The following AGPAT4 variants were observed in gnomAD, a reference collection of about 807,000 sequenced individuals.
The protein encoded by AGPAT4 is 1-acyl-sn-glycerol-3-phosphate acyltransferase delta.
Under a neutral mutation model 48.0 loss-of-function variants are expected in AGPAT4, and 15 were observed. The observed-to-expected ratio is 0.31, with a 90% confidence interval of 0.21 to 0.48. The LOEUF is 0.48. AGPAT4 is among the 20% of genes least tolerant of loss of function. The probability of loss-of-function intolerance (pLI) is 0.99; values close to 1 mark genes in which losing one functional copy is unlikely to be tolerated. For synonymous variants in AGPAT4, 178 were observed against 198.7 expected, an observed-to-expected ratio of 0.90 and a Z score of 0.88; for missense variants, 314 against 482.5, an observed-to-expected ratio of 0.65 and a Z score of 3.27.
At chr6:161,194,331 C>G (rs994652115) in intron 2 of AGPAT4, among the ~76,000 whole-genome samples, 3 of 152,104 alleles carry the variant, frequency 2.0e-5, no homozygotes, top group Non-Finnish European at 4.4e-5. Flanking sequence ...CGACACTAAT[C>G]TAAAAGATAA....
chr6:161,219,466 G>A lies in AGPAT4; in HGVS notation c.178+12570C>T, dbSNP rs1477376919. 7.3e-5 allele frequency among the ~76,000 whole-genome samples: 11 copies of A among 151,632 alleles called. No individual in the cohort carries two copies. The highest frequency in any genetic ancestry group is 1.2e-4 in the Non-Finnish European group (8 of 67,972). On this transcript the variant is annotated intron_variant, in intron 2 of 8. Coordinates refer to ENST00000320285, the MANE Select transcript of AGPAT4 (RefSeq NM_020133.3). The surrounding 1 kb of genome is among the most constrained non-coding windows in gnomAD (Gnocchi z 4.9). ...CAATGGCTTGTCTTGTTTACCTCCTGGAAATATCCACTGCACCATGAAGAC... is the reference window on the plus strand; with the variant it reads ...CAATGGCTTGTCTTGTTTACCTCCTAGAAATATCCACTGCACCATGAAGAC...
rs911241185 is a variant in AGPAT4 at position 161,200,455 on chromosome 6, T to C, written c.178+31581A>G. 6.6e-6 allele frequency among the ~76,000 whole-genome samples: 1 copy of C among 152,206 alleles called. No individual in the cohort carries two copies. Among genetic ancestry groups the C allele is most frequent in the African/African-American group, 2.4e-5 (1 of 41,462 alleles). ...TAACCACAGTACAATCCTAATTATC[T>C]ATGAGAAGGCCTGCACTCTCTGGCT... On this transcript the variant is annotated intron_variant, in intron 2 of 8. Transcript: ENST00000320285. The surrounding 1 kb of genome is among the most constrained non-coding windows in gnomAD (Gnocchi z 5.5).
In AGPAT4 at chr6:161,169,730, T is replaced by G. The variant is rs1428502759; in HGVS notation, c.179-3313A>C. On this transcript the variant is annotated intron_variant, in intron 2 of 8. Coordinates refer to ENST00000320285, the MANE Select transcript of AGPAT4 (RefSeq NM_020133.3). This position sits in a 1 kb window ranked among gnomAD's most constrained non-coding sequence, Gnocchi z 5.0. ...AAATGATTCAAACAACCCAGAAGTA[T>G]GTACAAGAAAATATAAAATTCCTCT... Among the ~76,000 whole-genome samples the G allele has an allele frequency of 6.6e-6, 1 of 152,214 alleles. No individual in the cohort carries two copies. The highest frequency in any genetic ancestry group is 1.5e-5 in the Non-Finnish European group (1 of 68,044).
At chr6:161,207,847 G>C (rs1390570389) in intron 2 of AGPAT4, among the ~76,000 whole-genome samples, 1 of 152,022 alleles carries the variant, frequency 6.6e-6, no homozygotes, top group African/African-American at 2.4e-5. Context: ...GCAGGGGAGA[G>C]AGGGATTCTG....
chr6:161,242,791 C>T lies in AGPAT4; in HGVS notation c.-89-10489G>A, dbSNP rs991515293. 6.6e-6 allele frequency among the ~76,000 whole-genome samples: 1 copy of T among 152,156 alleles called. No homozygotes were observed. The highest frequency in any genetic ancestry group is 2.4e-5 in the African/African-American group (1 of 41,430). On this transcript the variant is annotated intron_variant, in intron 1 of 8. Coordinates refer to ENST00000320285, the MANE Select transcript of AGPAT4 (RefSeq NM_020133.3). The surrounding 1 kb of genome is among the most constrained non-coding windows in gnomAD (Gnocchi z 5.0). ...ATTCTGGTTAATAAGGAAACCTAGG[C>T]CGGGCGCAGCGGCTCACACCTGTCA...
Position 161,231,631 on chromosome 6 carries a change from T to A in AGPAT4, c.178+405A>T, listed in dbSNP as rs79077384. ...TATAGTATACTGCCACTTAGTTTTT[T>A]AAAAAAAAATACGTATGTATATGTA... On this transcript the variant is annotated intron_variant, in intron 2 of 8. Transcript: ENST00000320285. This position sits in a 1 kb window ranked among gnomAD's most constrained non-coding sequence, Gnocchi z 5.3. Among the ~76,000 whole-genome samples, 4,305 of 151,166 alleles carry A rather than the reference T, an allele frequency of 0.028. 191 individuals are homozygous for A. Among genetic ancestry groups the A allele is most frequent in the African/African-American group, 0.099 (4,084 of 41,164 alleles).
rs190466088 is a variant in AGPAT4 at position 161,234,441 on chromosome 6, C to T, written c.-89-2139G>A. Reference sequence around the variant, plus strand: ...CATCACATCTCTGGCCTTTCGCAGACGGCATTTCCACAGATATTTCCAGGC... The same window carrying T: ...CATCACATCTCTGGCCTTTCGCAGATGGCATTTCCACAGATATTTCCAGGC... On this transcript the variant is annotated intron_variant, in intron 1 of 8. Coordinates refer to ENST00000320285, the MANE Select transcript of AGPAT4 (RefSeq NM_020133.3). This position sits in a 1 kb window ranked among gnomAD's most constrained non-coding sequence, Gnocchi z 4.4. Among the ~76,000 whole-genome samples, 6 of 152,214 alleles carry T rather than the reference C, an allele frequency of 3.9e-5. No homozygotes were observed. The East Asian group carries it at 5.8e-4, about 15-fold the overall frequency.
At chr6:161,163,398 G>GTT (rs532353179) in intron 3 of AGPAT4, among the ~76,000 whole-genome samples, 7 of 148,720 alleles carry the variant, frequency 4.7e-5, no homozygotes, top group African/African-American at 9.9e-5. Flanking sequence ...GAATGAGGTT[G>GTT]TTTTTTTTTT....
In AGPAT4 at chr6:161,165,796, T is replaced by G; in HGVS notation, c.348+452A>C. The G allele has an allele frequency of 3.4e-6, 2 of 593,546 alleles. No homozygotes were observed. The highest frequency in any genetic ancestry group is 1.5e-5 in the South Asian group (1 of 65,220). The allele number at this position is 593,546 out of a possible 1,614,324, so 36.8% of individuals were successfully genotyped here. ...TCTCTCACTTATGGACTCAAAGTTC[T>G]TAAGCCTTCAACGATCAAAATGCAG... On this transcript the variant is annotated intron_variant, in intron 3 of 8. Transcript: ENST00000320285. The surrounding 1 kb of genome is among the most constrained non-coding windows in gnomAD (Gnocchi z 5.5).
chr6:161,243,878 A>C lies in AGPAT4; in HGVS notation c.-89-11576T>G, dbSNP rs1189070284. 4.6e-5 allele frequency among the ~76,000 whole-genome samples: 7 copies of C among 152,084 alleles called. No homozygotes were observed. Among genetic ancestry groups the C allele is most frequent in the Non-Finnish European group, 1.0e-4 (7 of 68,006 alleles). On this transcript the variant is annotated intron_variant, in intron 1 of 8. Transcript: ENST00000320285. The surrounding 1 kb of genome is among the most constrained non-coding windows in gnomAD (Gnocchi z 4.8). ...TCCAGGGTGACCCTGAGCTGAAGTG[A>C]CTCCTAAGATCCTCAAAGCCCACTC...
At chr6:161,175,939 G>C (rs1336960377) in intron 2 of AGPAT4, among the ~76,000 whole-genome samples, 1 of 152,196 alleles carries the variant, frequency 6.6e-6, no homozygotes, top group Admixed American at 6.5e-5. Context: ...CCATGTAGTT[G>C]AGTGGTTTTG....
chr6:161,136,722 C>G (rs183174601), intron 8 of AGPAT4, 88 bp from the exon 9 acceptor site: 3 of 1,160,494 alleles, frequency 2.6e-6, no homozygotes, highest in Non-Finnish European at 3.9e-6. Context: ...GGCCCGTGGC[C>G]GCAAATCACA....
Position 161,243,169 on chromosome 6 carries a change from G to A in AGPAT4, c.-89-10867C>T, listed in dbSNP as rs1176943745. ...ATTTCATCATCGTCATTGCTGCTAC[G>A]TGGCTGTGGCTGTCAGCTCAATACT... On this transcript the variant is annotated intron_variant, in intron 1 of 8. Transcript: ENST00000320285. The surrounding 1 kb of genome is among the most constrained non-coding windows in gnomAD (Gnocchi z 4.8). 1.3e-5 allele frequency among the ~76,000 whole-genome samples: 2 copies of A among 152,076 alleles called. No homozygotes were observed. The highest frequency in any genetic ancestry group is 2.9e-5 in the Non-Finnish European group (2 of 68,024).
In AGPAT4 at chr6:161,245,647, GA is replaced by G. The variant is rs1266629786; in HGVS notation, c.-89-13346del. ...ATTTTCTTCTGCATCTCAGATACCA[GA>G]AACTGGGCTCTTTTCTCTTTGGTAG... On this transcript the variant is annotated intron_variant, in intron 1 of 8. Transcript: ENST00000320285. This position sits in a 1 kb window ranked among gnomAD's most constrained non-coding sequence, Gnocchi z 5.2. Among the ~76,000 whole-genome samples the G allele has an allele frequency of 3.3e-5, 5 of 152,160 alleles. No individual in the cohort carries two copies. Among genetic ancestry groups the G allele is most frequent in the African/African-American group, 1.2e-4 (5 of 41,436 alleles).
chr6:161,193,969 A>G (rs1049989463), intron 2 of AGPAT4, among the ~76,000 whole-genome samples: 1 of 152,198 alleles, frequency 6.6e-6, no homozygotes, highest in Admixed American at 6.5e-5. Flanking sequence ...TTACTTTTCT[A>G]AGCCATAATT....
chr6:161,167,762 G>A (rs949804210), intron 2 of AGPAT4, among the ~76,000 whole-genome samples: 1 of 152,212 alleles, frequency 6.6e-6, no homozygotes, highest in African/African-American at 2.4e-5. Flanking sequence ...TTTACGCAGT[G>A]AGCACTGCGG....
At position 161,184,279 on chromosome 6, in the gene AGPAT4, T is replaced by C. The variant is rs1780700242; in HGVS notation, c.179-17862A>G. 2.0e-5 allele frequency among the ~76,000 whole-genome samples: 3 copies of C among 151,918 alleles called. No individual in the cohort carries two copies. Among genetic ancestry groups the C allele is most frequent in the Non-Finnish European group, 4.4e-5 (3 of 67,978 alleles). Reference sequence around the variant, plus strand: ...TGAGAAATGATCATATTTAGGATGATATATGCTACAGGCAGAGCCAGTGGA... The same window carrying C: ...TGAGAAATGATCATATTTAGGATGACATATGCTACAGGCAGAGCCAGTGGA... On this transcript the variant is annotated intron_variant, in intron 2 of 8. Coordinates refer to ENST00000320285, the MANE Select transcript of AGPAT4 (RefSeq NM_020133.3). This position sits in a 1 kb window ranked among gnomAD's most constrained non-coding sequence, Gnocchi z 4.8.
At position 161,243,085 on chromosome 6, in the gene AGPAT4, A is replaced by T. The variant is rs1047715930; in HGVS notation, c.-89-10783T>A. Among the ~76,000 whole-genome samples the T allele has an allele frequency of 2.0e-5, 3 of 151,892 alleles. No homozygotes were observed. Among genetic ancestry groups the T allele is most frequent in the Non-Finnish European group, 4.4e-5 (3 of 67,948 alleles). On this transcript the variant is annotated intron_variant, in intron 1 of 8. Coordinates refer to ENST00000320285, the MANE Select transcript of AGPAT4 (RefSeq NM_020133.3). The surrounding 1 kb of genome is among the most constrained non-coding windows in gnomAD (Gnocchi z 4.8). ...CTCAAAAAAATTTTTTTTTAATTTAAAAAAAAATGAAACTTTTTCAAACAT... is the reference window on the plus strand; with the variant it reads ...CTCAAAAAAATTTTTTTTTAATTTATAAAAAAATGAAACTTTTTCAAACAT...
rs996665989 is a variant in AGPAT4 at position 161,147,976 on chromosome 6, G to A, written c.767+1211C>T. Among the ~76,000 whole-genome samples the A allele has an allele frequency of 1.3e-5, 2 of 152,196 alleles. No homozygotes were observed. Among genetic ancestry groups the A allele is most frequent in the African/African-American group, 4.8e-5 (2 of 41,436 alleles). ...GGGTCAAGAGGGTGATCTGGCTTCG[G>A]TGAGTGAACGTGCCAGTACCATTTT... is the stretch of plus-strand genomic sequence containing the variant. On this transcript the variant is annotated intron_variant, in intron 6 of 8. Coordinates refer to ENST00000320285, the MANE Select transcript of AGPAT4 (RefSeq NM_020133.3). This position sits in a 1 kb window ranked among gnomAD's most constrained non-coding sequence, Gnocchi z 4.8.
Sources: allele counts gnomAD v4.1 joint callset (sites outside exome capture counted in the v4.1 genomes callset), GRCh38; gene constraint gnomAD v4.1.1; non-coding constraint Gnocchi (gnomAD v3.1); transcripts MANE v1.5; gene names NCBI Gene and HGNC (gene_info 2026-07-23, HGNC 2026-07-21).